Variants in BBS1 observed in about 807,000 individuals in gnomAD.
BBS1 encodes BBSome complex member BBS1.
BBS1 carries 60 observed loss-of-function variants against 73.9 expected under a neutral mutation model. That is an observed-to-expected ratio of 0.81 (90% CI 0.66 to 1.01). BBS1 has a LOEUF of 1.01. Ranked by LOEUF, BBS1 falls within the 50% of genes least tolerant of loss-of-function variation. The probability of loss-of-function intolerance (pLI) is 0.00; values close to 1 mark genes in which losing one functional copy is unlikely to be tolerated. For synonymous variants in BBS1, 283 were observed against 317.4 expected, an observed-to-expected ratio of 0.89 and a Z score of 1.15; for missense variants, 718 against 770.3, an observed-to-expected ratio of 0.93 and a Z score of 0.80.
chr11:66,515,806 ATG>A (rs1370969281), intron 6 of BBS1, 53 bp from the exon 7 acceptor site: 5 of 1,613,910 alleles, frequency 3.1e-6, no homozygotes, highest in Non-Finnish European at 3.4e-6. Context: ...TGCCAGAATG[ATG>A]GAGGAGGGCA....
Position 66,514,685 on chromosome 11 carries a change from A to G in BBS1, c.432+7A>G. On this transcript the variant is annotated splice_region_variant and intron_variant, in intron 4 of 16. Transcript: ENST00000318312. ...TTGGAACCAGGCCAAAGAGGTAAAT[A>G]AATAACATGGGAGTTGGGAACCAGA... 6.2e-7 allele frequency: 1 copy of G among 1,609,756 alleles called. No individual in the cohort carries two copies. Among genetic ancestry groups the G allele is most frequent in the Non-Finnish European group, 8.5e-7 (1 of 1,179,978 alleles).
chr11:66,516,368 C>T (rs780238934), intron 7 of BBS1, among the ~76,000 whole-genome samples: 1 of 152,056 alleles, frequency 6.6e-6, no homozygotes, highest in Admixed American at 6.6e-5. Context: ...TCAGGTGATC[C>T]GCCTACCTTG....
intron 9 of BBS1, 181 bp downstream of exon 9, chr11:66,521,557 G>A: frequency 1.5e-6 from 1 of 657,508 alleles, no homozygotes; most frequent in Non-Finnish European, 2.7e-6. Flanking sequence ...TTGTGAGATA[G>A]GGGCTGGCAC....
chr11:66,518,964 T>G (rs1313110857), intron 7 of BBS1, among the ~76,000 whole-genome samples: 1 of 152,200 alleles, frequency 6.6e-6, no homozygotes, highest in Non-Finnish European at 1.5e-5. Context: ...GGTCTCACTT[T>G]GCTGCCCAAG....
rs755942584 is a variant in BBS1 at position 66,523,715 on chromosome 11, C to G, written c.952-9C>G. ...GAGCCCTCCACAGACGCTGGCTGTTCCCTGCCAGGGGAAGAAGCTGTGGAC... is the reference window on the plus strand; with the variant it reads ...GAGCCCTCCACAGACGCTGGCTGTTGCCTGCCAGGGGAAGAAGCTGTGGAC... On this transcript the variant is annotated splice_polypyrimidine_tract_variant and intron_variant, in intron 10 of 16. Transcript: ENST00000318312. 3.1e-6 allele frequency: 5 copies of G among 1,610,812 alleles called. 1 individual carries two copies. In the Admixed American group the frequency reaches 5.0e-5, roughly 16 times the overall value.
intron 3 of BBS1, among the ~76,000 whole-genome samples, chr11:66,513,083 G>A (rs1412753042): frequency 6.6e-6 from 1 of 152,018 alleles, no homozygotes; most frequent in Non-Finnish European, 1.5e-5. Context: ...GTAGGTACTT[G>A]ATAAATATTT....
intron 3 of BBS1, among the ~76,000 whole-genome samples, chr11:66,513,364 T>G (rs1855988998): frequency 6.6e-6 from 1 of 152,112 alleles, no homozygotes; most frequent in African/African-American, 2.4e-5. Flanking sequence ...GAGACCCATA[T>G]AAAATAACTA....
At chr11:66,513,676 C>T (rs1404811394) in intron 3 of BBS1, among the ~76,000 whole-genome samples, 4 of 152,124 alleles carry the variant, frequency 2.6e-5, no homozygotes, top group African/African-American at 7.2e-5. Flanking sequence ...AAGACCCAGT[C>T]GCTTAAAAAT....
rs1347358462 is a variant in BBS1 at position 66,526,823 on chromosome 11, G to A, written c.1339+16G>A. The A allele has an allele frequency of 9.9e-6, 16 of 1,614,072 alleles. No homozygotes were observed. The highest frequency in any genetic ancestry group is 1.4e-5 in the Non-Finnish European group (16 of 1,180,036). On this transcript the variant is annotated intron_variant, in intron 13 of 16. Transcript: ENST00000318312. ...GCTGGCACCGGTGAGCCTCAGACTG[G>A]GTCCTTTCCCTTCTTCCTCCTCCAC... is the stretch of plus-strand genomic sequence containing the variant.
rs144492051 is a variant in BBS1, at chr11:66,532,027, C to T, written c.1772C>T (p.Ala591Val). Residue 591 changes from alanine to valine, a missense_variant, in exon 17 of 17, where the codon GCG (alanine) becomes GTG (valine). Ala to Val is a moderately conservative substitution (Grantham distance 64, BLOSUM62 0). Transcript: ENST00000318312. ...AACATGCCTGGGAGCGAGGGGCTGG[C>T]GGCCGCCTGAGACCTGAGCTGCTGT... ...HVNMPGSEGL[A>V]AA is the part of the protein sequence containing the mutation. 119 of 1,604,672 alleles carry T rather than the reference C, an allele frequency of 7.4e-5. No homozygotes were observed. In the East Asian group the frequency reaches 1.1e-3, roughly 15 times the overall value.
At chr11:66,521,168 A>G in intron 8 of BBS1, 102 bp from the exon 9 acceptor site, 1 of 870,618 alleles carries the variant, frequency 1.1e-6, no homozygotes, top group Non-Finnish European at 1.9e-6. Flanking sequence ...AAGTGAGGAG[A>G]TTGGGACTTT....
chr11:66,525,987 A>ATTTC, intron 11 of BBS1, 136 bp from the exon 12 acceptor site: 6 of 745,276 alleles, frequency 8.1e-6, no homozygotes, highest in Non-Finnish European at 9.6e-6. Context: ...TATAGGAAAT[A>ATTTC]TTTCAGAGGC....
At chr11:66,523,170 A>C in intron 9 of BBS1, 1 of 548,154 alleles carries the variant, frequency 1.8e-6, no homozygotes, top group Non-Finnish European at 3.5e-6. Context: ...GTTAAATGCT[A>C]GATGATCATA....
Position 66,523,704 on chromosome 11 carries a change from C to T in BBS1, c.952-20C>T, listed in dbSNP as rs1189838889. On this transcript the variant is annotated intron_variant, in intron 10 of 16. Coordinates refer to ENST00000318312, the MANE Select transcript of BBS1 (RefSeq NM_024649.5). Reference sequence around the variant, plus strand: ...CTGTAAGCCCTGAGCCCTCCACAGACGCTGGCTGTTCCCTGCCAGGGGAAG... The same window carrying T: ...CTGTAAGCCCTGAGCCCTCCACAGATGCTGGCTGTTCCCTGCCAGGGGAAG... 8.1e-6 allele frequency: 13 copies of T among 1,610,294 alleles called. No individual in the cohort carries two copies. The highest frequency in any genetic ancestry group is 1.3e-5 in the African/African-American group (1 of 74,936).
At chr11:66,513,449 CTT>C (rs977676413) in intron 3 of BBS1, among the ~76,000 whole-genome samples, 1 of 152,122 alleles carries the variant, frequency 6.6e-6, no homozygotes, top group Non-Finnish European at 1.5e-5. Context: ...AGCTGTATGA[CTT>C]TTACTTAACT....
Position 66,532,685 on chromosome 11 carries a change from G to T in BBS1, c.*648G>T. On this transcript the variant is annotated 3_prime_UTR_variant, in exon 17 of 17. Coordinates refer to ENST00000318312, the MANE Select transcript of BBS1 (RefSeq NM_024649.5). Reference sequence around the variant, plus strand: ...ACACAAAGGTTGTTCAGGGAGAAGGGGGTGCAGGAGGCAGAGGGTGCCCCG... The same window carrying T: ...ACACAAAGGTTGTTCAGGGAGAAGGTGGTGCAGGAGGCAGAGGGTGCCCCG... 1 of 153,208 alleles carries T rather than the reference G, an allele frequency of 6.5e-6. No individual in the cohort carries two copies. The allele number at this position is 153,208 out of a possible 1,614,324, so 9.5% of individuals were successfully genotyped here. A position where few individuals can be genotyped will look rare whatever the true frequency, so the allele number is the denominator to read the frequency against.
intron 11 of BBS1, 87 bp downstream of exon 11, chr11:66,523,969 C>T (rs1856369881): frequency 6.4e-7 from 1 of 1,562,542 alleles, no homozygotes; most frequent in African/African-American, 1.3e-5. Flanking sequence ...TCCGACCACA[C>T]ATTGATGCAT....
intron 13 of BBS1, among the ~76,000 whole-genome samples, chr11:66,527,925 T>C (rs1025985967): frequency 3.3e-5 from 5 of 151,886 alleles, no homozygotes; most frequent in Non-Finnish European, 2.9e-5. Context: ...AGGCACAGGG[T>C]GTTGACCTGG....
intron 11 of BBS1, among the ~76,000 whole-genome samples, chr11:66,524,704 A>G (rs1247953720): frequency 1.3e-5 from 2 of 152,214 alleles, no homozygotes; most frequent in Non-Finnish European, 2.9e-5. Flanking sequence ...TAAGTTGTGA[A>G]TCATTAAATC....
Sources: gnomAD v4.1 joint callset for allele counts (sites outside exome capture counted in the v4.1 genomes callset) on GRCh38, gnomAD v4.1.1 for gene constraint, MANE v1.5 for transcripts, NCBI Gene and HGNC (gene_info 2026-07-23, HGNC 2026-07-21) for gene names.